Variants in FREM2 observed in about 807,000 individuals in gnomAD.
FREM2 encodes the protein FRAS1-related extracellular matrix protein 2.
FREM2 carries 119 observed loss-of-function variants against 219.9 expected under a neutral mutation model. The observed-to-expected ratio is 0.54, with a 90% CI of 0.47 to 0.63. The LOEUF is 0.63. Ranked by LOEUF, FREM2 falls within the 30% of genes least tolerant of loss-of-function variation. The probability of loss-of-function intolerance (pLI) is 0.00; values close to 1 mark genes in which losing one functional copy is unlikely to be tolerated. For missense variants in FREM2, 4,030 were observed against 3,993.6 expected (o/e 1.01, Z -0.25); for synonymous variants, 1,562 against 1,522.8 (o/e 1.03, Z -0.60).
At position 38,885,050 on chromosome 13, in the gene FREM2, C is replaced by A. The variant is rs1878681456; in HGVS notation, c.*4263C>A. ...ACATTATATATAGGTTCAAATTATCCCTTAATGTTGATTTCTCCCCTTTTC... is the reference window on the plus strand; with the variant it reads ...ACATTATATATAGGTTCAAATTATCACTTAATGTTGATTTCTCCCCTTTTC... On this transcript the variant is annotated 3_prime_UTR_variant, in exon 24 of 24. Coordinates refer to ENST00000280481, the MANE Select transcript of FREM2 (RefSeq NM_207361.6). 6.6e-6 allele frequency: 1 copy of A among 152,016 alleles called. No homozygotes were observed. Among genetic ancestry groups the A allele is most frequent in the Non-Finnish European group, 1.5e-5 (1 of 67,960 alleles). The allele number at this position is 152,016 out of a possible 1,614,324, so 9.4% of individuals were successfully genotyped here. A position where few individuals can be genotyped will look rare whatever the true frequency, so the allele number is the denominator to read the frequency against.
At position 38,859,272 on chromosome 13, in the gene FREM2, A is replaced by G. The variant is rs759789024; in HGVS notation, c.7216-15A>G. The G allele has an allele frequency of 5.8e-5, 93 of 1,613,664 alleles. No individual in the cohort carries two copies. The highest frequency in any genetic ancestry group is 7.6e-5 in the Non-Finnish European group (90 of 1,179,686). On this transcript the variant is annotated splice_polypyrimidine_tract_variant and intron_variant, in intron 13 of 23. Coordinates refer to ENST00000280481, the MANE Select transcript of FREM2 (RefSeq NM_207361.6). ...TCTACACTCTGTTCCTAACACAGTC[A>G]TTTGTTTTCCGTAGGCTTGCAACCC...
chr13:38,765,205 C>T (rs543389390), intron 3 of FREM2, among the ~76,000 whole-genome samples: 3 of 152,214 alleles, frequency 2.0e-5, no homozygotes, highest in East Asian at 1.9e-4. Flanking sequence ...CCACCGCGCC[C>T]GGCCTCAAGT....
At chr13:38,861,379 GTA>G in intron 14 of FREM2, 50 bp from the exon 15 acceptor site, 1 of 1,569,050 alleles carries the variant, frequency 6.4e-7, no homozygotes, top group South Asian at 1.1e-5. Flanking sequence ...CATTCTTTAG[GTA>G]TTATTGATTA....
At chr13:38,728,515 C>T (rs1055842251) in intron 2 of FREM2, among the ~76,000 whole-genome samples, 1 of 152,032 alleles carries the variant, frequency 6.6e-6, no homozygotes, top group Non-Finnish European at 1.5e-5. Flanking sequence ...AAGTGATCCT[C>T]TAACCTCAGC....
chr13:38,710,751 T>C (rs1870737154), intron 2 of FREM2, among the ~76,000 whole-genome samples: 1 of 152,224 alleles, frequency 6.6e-6, no homozygotes, highest in African/African-American at 2.4e-5. Context: ...CTATTTTCTC[T>C]TAAAGTTGCA....
intron 6 of FREM2, among the ~76,000 whole-genome samples, chr13:38,788,983 T>TA (rs1280603253): frequency 3.3e-5 from 5 of 152,128 alleles, no homozygotes; most frequent in African/African-American, 1.2e-4. Flanking sequence ...AAGCCACCCA[T>TA]ATATGCTTGA....
At position 38,783,019 on chromosome 13, in the gene FREM2, A is replaced by G. The variant is rs1874176854; in HGVS notation, c.5642-51A>G. The G allele has an allele frequency of 2.5e-6, 4 of 1,601,974 alleles. No individual in the cohort carries two copies. The East Asian group carries it at 6.7e-5, about 27-fold the overall frequency. ...TTTTAATTCTGTATGATTGTTTCAG[A>G]GGTAAGAAGCTCAGACAAAAATAAT... On this transcript the variant is annotated intron_variant, in intron 4 of 23. Coordinates refer to ENST00000280481, the MANE Select transcript of FREM2 (RefSeq NM_207361.6).
intron 6 of FREM2, among the ~76,000 whole-genome samples, chr13:38,840,973 A>C (rs1335794660): frequency 1.3e-5 from 2 of 152,176 alleles, no homozygotes; most frequent in Non-Finnish European, 2.9e-5. Context: ...AATCTTGTGA[A>C]AAACTTTTAT....
intron 23 of FREM2, among the ~76,000 whole-genome samples, chr13:38,880,083 T>C (rs1347510272): frequency 6.6e-6 from 1 of 152,232 alleles, no homozygotes; most frequent in East Asian, 1.9e-4. Context: ...ATTCACTCCC[T>C]TAAGAGTTGC....
At chr13:38,742,718 G>C (rs1484349367) in intron 2 of FREM2, among the ~76,000 whole-genome samples, 2 of 152,124 alleles carry the variant, frequency 1.3e-5, no homozygotes, top group African/African-American at 4.8e-5. Context: ...GGTCATCTTT[G>C]TGTACTTTTC....
intron 6 of FREM2, among the ~76,000 whole-genome samples, chr13:38,832,771 T>A (rs9603444): frequency 6.6e-6 from 1 of 151,986 alleles, no homozygotes; most frequent in East Asian, 1.9e-4. Context: ...TCAGCAGGGT[T>A]CAGTGGCTCA....
chr13:38,709,694 G>A (rs1370802397), intron 2 of FREM2, among the ~76,000 whole-genome samples: 1 of 151,862 alleles, frequency 6.6e-6, no homozygotes, highest in Non-Finnish European at 1.5e-5. Context: ...TTATTTTGAC[G>A]TCATCTTTTA....
intron 2 of FREM2, among the ~76,000 whole-genome samples, chr13:38,719,413 G>A (rs1456049307): frequency 6.6e-6 from 1 of 152,120 alleles, no homozygotes; most frequent in Non-Finnish European, 1.5e-5. Context: ...TAGAGATGGG[G>A]TTTCGCCATG....
At chr13:38,739,727 A>C (rs1364289181) in intron 2 of FREM2, among the ~76,000 whole-genome samples, 2 of 151,972 alleles carry the variant, frequency 1.3e-5, no homozygotes, top group Admixed American at 6.5e-5. Flanking sequence ...CTAGTCATCT[A>C]CTTCCCAGAG....
intron 20 of FREM2, among the ~76,000 whole-genome samples, 197 bp downstream of exon 20, chr13:38,876,579 T>C (rs1878349552): frequency 6.6e-6 from 1 of 152,234 alleles, no homozygotes; most frequent in South Asian, 2.1e-4. Flanking sequence ...TAGTACAGGA[T>C]GTAAAATTCA....
intron 2 of FREM2, among the ~76,000 whole-genome samples, chr13:38,725,632 G>A (rs1435042086): frequency 6.6e-6 from 1 of 152,172 alleles, no homozygotes; most frequent in Non-Finnish European, 1.5e-5. Flanking sequence ...AAGTAACCTA[G>A]AGAGAAAGTG....
rs763373816 is a variant in FREM2, at chr13:38,687,663, G to A, written c.319G>A (p.Val107Ile). 22 of 1,605,086 alleles carry A rather than the reference G, an allele frequency of 1.4e-5. No homozygotes were observed. Among genetic ancestry groups the A allele is most frequent in the Non-Finnish European group, 1.8e-5 (21 of 1,175,316 alleles). Residue 107 changes from valine to isoleucine, a missense_variant, in exon 1 of 24, where the codon GTT (valine) becomes ATT (isoleucine). Val to Ile is a conservative substitution (Grantham distance 29). Around this residue, in one of 2 missense-constraint regions of FREM2, gnomAD observed 3,102 missense variants for 2,950.7 expected, o/e 1.05. Coordinates refer to ENST00000280481, the MANE Select transcript of FREM2 (RefSeq NM_207361.6). ...GGTGCAGCCCGGGGACCGCTGCGCGGTTTCGGTACTAGACAACGACGCACT... is the reference window on the plus strand; with the variant it reads ...GGTGCAGCCCGGGGACCGCTGCGCGATTTCGGTACTAGACAACGACGCACT... The part of the protein sequence containing the change: ...LQVQPGDRCA[V>I]SVLDNDALAQ...
At chr13:38,869,983 A>G (rs932193976) in intron 16 of FREM2, among the ~76,000 whole-genome samples, 1 of 152,234 alleles carries the variant, frequency 6.6e-6, no homozygotes, top group Non-Finnish European at 1.5e-5. Flanking sequence ...TTCAGTGTGC[A>G]TGAATAAGCT....
At chr13:38,873,331 G>A (rs1350173884) in intron 17 of FREM2, among the ~76,000 whole-genome samples, 1 of 152,280 alleles carries the variant, frequency 6.6e-6, no homozygotes, top group East Asian at 1.9e-4. Flanking sequence ...AAAAAAAGAG[G>A]TGCATTTAAA....
Sources: allele counts gnomAD v4.1 joint callset (sites outside exome capture counted in the v4.1 genomes callset), GRCh38; gene constraint gnomAD v4.1.1; regional missense constraint gnomAD v4.1.1; transcripts MANE v1.5; gene names NCBI Gene and HGNC (gene_info 2026-07-23, HGNC 2026-07-21).